Variants in CDK8 observed in about 807,000 individuals in gnomAD.
CDK8 encodes cyclin-dependent kinase 8.
In CDK8, 29 loss-of-function variants were observed where a neutral mutation model predicts 71.5. That is an observed-to-expected ratio of 0.41 (90% CI 0.30 to 0.55). The LOEUF (loss-of-function observed/expected upper bound fraction) is 0.55. Ranked by LOEUF, CDK8 falls within the 20% of genes least tolerant of loss-of-function variation. CDK8 has a pLI of 0.37. For synonymous variants in CDK8, 161 were observed against 192.1 expected (o/e 0.84, Z 1.34); for missense variants, 288 against 572.6 (o/e 0.50, Z 5.07).
In CDK8 at chr13:26,340,185, A is replaced by G. The variant is rs559292789; in HGVS notation, c.204+2543A>G. 2.0e-5 allele frequency among the ~76,000 whole-genome samples: 3 copies of G among 152,216 alleles called. No individual in the cohort carries two copies. In the East Asian group the frequency reaches 5.8e-4, roughly 29 times the overall value. On this transcript the variant is annotated intron_variant, in intron 2 of 12. Transcript: ENST00000381527. The stretch of plus-strand genomic sequence containing the variant: ...CATATAATTCTTTTCTTATTCTGTT[A>G]ATTTAGTACAAAATATTTTCAGTTT...
At chr13:26,350,957 T>A (rs1873656368) in intron 3 of CDK8, among the ~76,000 whole-genome samples, 2 of 152,020 alleles carry the variant, frequency 1.3e-5, no homozygotes, top group South Asian at 4.1e-4. Context: ...ATATATTTTT[T>A]AAAAATCTGA....
chr13:26,265,808 G>A (rs1281337511), intron 1 of CDK8, among the ~76,000 whole-genome samples: 2 of 152,172 alleles, frequency 1.3e-5, no homozygotes, highest in African/African-American at 2.4e-5. Flanking sequence ...TCAAGTCATG[G>A]ATTTTGTACT....
chr13:26,396,887 T>G (rs1876019485), intron 8 of CDK8, among the ~76,000 whole-genome samples: 1 of 152,082 alleles, frequency 6.6e-6, no homozygotes, highest in Non-Finnish European at 1.5e-5. Flanking sequence ...TGTTAAAATA[T>G]AATTCATGTG....
At chr13:26,388,280 A>G (rs1159510511) in intron 6 of CDK8, among the ~76,000 whole-genome samples, 1 of 152,222 alleles carries the variant, frequency 6.6e-6, no homozygotes, top group Non-Finnish European at 1.5e-5. Context: ...TATAAATATA[A>G]AATTATTAAT....
intron 4 of CDK8, among the ~76,000 whole-genome samples, chr13:26,382,145 G>A (rs183148712): frequency 3.5e-4 from 53 of 152,150 alleles, no homozygotes; most frequent in African/African-American, 1.2e-3. Context: ...TTATTCATTA[G>A]TGTAGTAGAT....
At chr13:26,256,928 C>T (rs1871549911) in intron 1 of CDK8, among the ~76,000 whole-genome samples, 1 of 151,948 alleles carries the variant, frequency 6.6e-6, no homozygotes, top group Non-Finnish European at 1.5e-5. Context: ...TTTAAAATTA[C>T]AGGGATTTTT....
rs1876428478 is a variant in CDK8 at position 26,404,671 on chromosome 13, A to T, written c.*590A>T. 4.3e-6 allele frequency: 1 copy of T among 229,988 alleles called. No individual in the cohort carries two copies. Among genetic ancestry groups the T allele is most frequent in the African/African-American group, 2.2e-5 (1 of 45,158 alleles). 14.2% of individuals were successfully genotyped at this position (229,988 alleles called of 1,614,324 possible). A position where few individuals can be genotyped will look rare whatever the true frequency, so the allele number is the denominator to read the frequency against. ...TTTTTGAAAGTACAAAAAGCCACATAGTTTTTCCAGAAAGGTTTCAAAACT... is the reference window on the plus strand; with the variant it reads ...TTTTTGAAAGTACAAAAAGCCACATTGTTTTTCCAGAAAGGTTTCAAAACT... On this transcript the variant is annotated 3_prime_UTR_variant, in exon 13 of 13. Transcript: ENST00000381527.
At chr13:26,295,897 G>A (rs139922423) in intron 1 of CDK8, among the ~76,000 whole-genome samples, 179 of 152,154 alleles carry the variant, frequency 1.2e-3, no homozygotes, top group African/African-American at 4.1e-3. Context: ...TTCAATCTTC[G>A]TAAGCATTAG....
At chr13:26,269,272 C>G (rs982029604) in intron 1 of CDK8, among the ~76,000 whole-genome samples, 14 of 152,220 alleles carry the variant, frequency 9.2e-5, no homozygotes, top group Non-Finnish European at 1.9e-4. Context: ...TTGGAAAGTA[C>G]TCCTTATAGA....
chr13:26,254,325 G>GGCGCCCAGGGAGCCC lies in CDK8; in HGVS notation c.-313_-299dup, dbSNP rs1289865847. 1.5e-5 allele frequency: 4 copies of GGCGCCCAGGGAGCCC among 273,750 alleles called. No individual in the cohort carries two copies. The highest frequency in any genetic ancestry group is 6.6e-5 in the African/African-American group (3 of 45,508). The allele number at this position is 273,750 out of a possible 1,614,324, so 17.0% of individuals were successfully genotyped here. A position where few individuals can be genotyped will look rare whatever the true frequency, so the allele number is the denominator to read the frequency against. On this transcript the variant is annotated 5_prime_UTR_variant, in exon 1 of 13. Coordinates refer to ENST00000381527, the MANE Select transcript of CDK8 (RefSeq NM_001260.3). The surrounding 1 kb of genome is among the most constrained non-coding windows in gnomAD (Gnocchi z 6.7). The stretch of plus-strand genomic sequence containing the variant: ...CGCGGCCGGAGAGAGCGGCGGAGCC[G>GGCGCCCAGGGAGCCC]GCGCCCAGGGAGCCCGCGGGGACAA...
At chr13:26,319,189 TG>T (rs1226821256) in intron 1 of CDK8, among the ~76,000 whole-genome samples, 2 of 152,110 alleles carry the variant, frequency 1.3e-5, no homozygotes, top group African/African-American at 4.8e-5. Flanking sequence ...TAAAACAGGC[TG>T]GGTGTGGTGG....
intron 1 of CDK8, among the ~76,000 whole-genome samples, chr13:26,305,615 T>C (rs574247337): frequency 3.3e-5 from 5 of 152,204 alleles, no homozygotes; most frequent in Non-Finnish European, 7.3e-5. Flanking sequence ...TGTTTATTGT[T>C]TCTTATCCTC....
intron 1 of CDK8, among the ~76,000 whole-genome samples, chr13:26,331,611 T>C (rs926066217): frequency 6.6e-6 from 1 of 152,230 alleles, no homozygotes; most frequent in African/African-American, 2.4e-5. Flanking sequence ...TTGTCAAAGA[T>C]AAGTTGGCTA....
Position 26,297,152 on chromosome 13 carries a change from T to G in CDK8, c.129-40415T>G, listed in dbSNP as rs145457835. ...CAAATTGATTAGTTACAAGGAACAA[T>G]TACCAAGGAAAGCAGGGTGGCTCCC... On this transcript the variant is annotated intron_variant, in intron 1 of 12. Transcript: ENST00000381527. Among the ~76,000 whole-genome samples the G allele has an allele frequency of 5.3e-3, 814 of 152,218 alleles. 6 individuals carry two copies. The highest frequency in any genetic ancestry group is 0.018 in the African/African-American group (749 of 41,528).
intron 4 of CDK8, among the ~76,000 whole-genome samples, chr13:26,370,948 T>G (rs1310175722): frequency 2.6e-5 from 4 of 152,218 alleles, no homozygotes; most frequent in Non-Finnish European, 5.9e-5. Context: ...GTTTAATTTT[T>G]TTTTTAAATG....
chr13:26,268,064 T>C (rs1278884626), intron 1 of CDK8, among the ~76,000 whole-genome samples: 1 of 152,270 alleles, frequency 6.6e-6, no homozygotes. Flanking sequence ...CCAGACTCTT[T>C]TGAGGTCTAA....
intron 1 of CDK8, among the ~76,000 whole-genome samples, chr13:26,258,808 T>G (rs1305430828): frequency 1.3e-5 from 2 of 152,168 alleles, no homozygotes; most frequent in Non-Finnish European, 2.9e-5. Flanking sequence ...TGATGGTGCA[T>G]TTCCATATTT....
At chr13:26,256,799 G>T (rs1482674714) in intron 1 of CDK8, among the ~76,000 whole-genome samples, 1 of 152,068 alleles carries the variant, frequency 6.6e-6, no homozygotes, top group Non-Finnish European at 1.5e-5. Flanking sequence ...TGTAATCCTT[G>T]GAGTTTGTTT....
At chr13:26,280,951 G>A (rs1872721839) in intron 1 of CDK8, among the ~76,000 whole-genome samples, 1 of 152,242 alleles carries the variant, frequency 6.6e-6, no homozygotes, top group Admixed American at 6.5e-5. Context: ...TTTGAAAGAA[G>A]CAGCAGGCTG....
Sources: gnomAD v4.1 joint callset for allele counts (sites outside exome capture counted in the v4.1 genomes callset) on GRCh38, gnomAD v4.1.1 for gene constraint, Gnocchi (gnomAD v3.1) non-coding constraint, MANE v1.5 for transcripts, NCBI Gene and HGNC (gene_info 2026-07-23, HGNC 2026-07-21) for gene names.